LAX1: variants seen among roughly 807,000 people sequenced by gnomAD.
The protein encoded by LAX1 is lymphocyte transmembrane adaptor 1, also known as lymphocyte transmembrane adapter 1.
LAX1 carries 17 observed loss-of-function variants against 20.7 expected under a neutral mutation model. That is an observed-to-expected ratio of 0.82 (90% CI 0.56 to 1.23). LAX1 has a LOEUF of 1.23. Ranked by LOEUF, LAX1 falls within the 50% of genes most tolerant of loss-of-function variation. LAX1 has a pLI of 0.00. For missense variants in LAX1, 470 were observed against 487.0 expected (o/e 0.97, Z 0.33); for synonymous variants, 165 against 181.0 (o/e 0.91, Z 0.71).
At chr1:203,771,848 C>A (rs1667427638) in intron 3 of LAX1, among the ~76,000 whole-genome samples, 1 of 152,110 alleles carries the variant, frequency 6.6e-6, no homozygotes, top group East Asian at 1.9e-4. Flanking sequence ...AGCCTCCCAA[C>A]CCCTGTGATA....
chr1:203,768,549 C>T (rs986408826), intron 1 of LAX1, among the ~76,000 whole-genome samples: 1 of 152,102 alleles, frequency 6.6e-6, no homozygotes, highest in Non-Finnish European at 1.5e-5. Context: ...GGCAAGGGAT[C>T]CTGGCAGTCA....
rs1667289843 is a variant in LAX1, at chr1:203,765,492, T to C, written c.-74T>C. The C allele has an allele frequency of 1.9e-6, 3 of 1,596,222 alleles. No homozygotes were observed. The highest frequency in any genetic ancestry group is 1.7e-6 in the Non-Finnish European group (2 of 1,169,842). On this transcript the variant is annotated 5_prime_UTR_variant, in exon 1 of 5. It removes an upstream start codon present in the reference 5' UTR. Coordinates refer to ENST00000442561, the MANE Select transcript of LAX1 (RefSeq NM_017773.4). ...CGGGGGTGGGGAGAAGTGGTAGACA[T>C]GCTGGCTAACTGATTATGATTAAGA...
intron 4 of LAX1, 35 bp downstream of exon 4, chr1:203,772,182 T>C: frequency 6.7e-7 from 1 of 1,501,562 alleles, no homozygotes; most frequent in Non-Finnish European, 9.3e-7. Context: ...ATGACATGTC[T>C]CTGGCAGAAG....
intron 1 of LAX1, among the ~76,000 whole-genome samples, chr1:203,765,881 A>C (rs965418261): frequency 1.3e-5 from 2 of 152,156 alleles, no homozygotes. Flanking sequence ...AAACTGTGAT[A>C]ACACTGGCCC....
At position 203,770,845 on chromosome 1, in the gene LAX1, C is replaced by T. The variant is rs1371194249; in HGVS notation, c.107C>T (p.Thr36Ile). 9 of 1,614,040 alleles carry T rather than the reference C, an allele frequency of 5.6e-6. No individual in the cohort carries two copies. The highest frequency in any genetic ancestry group is 7.6e-6 in the Non-Finnish European group (9 of 1,179,886). The part of the protein sequence containing the change: ...RSLDRNKDQI[T>I]NIFSGFAGLL... ...TTTTCTAGAAATAAAGACCAGATCA[C>T]CAACATCTTTTCCGGGTTTGCGGGA... The change falls in exon 2 of 5, where the codon ACC becomes ATC. Residue 36 changes from threonine (T) to isoleucine (I), a missense_variant. Transcript: ENST00000442561.
At chr1:203,770,486 GAAGGAAGGAAGGAAGGAAGGAAGGAAGA>G (rs1190522419) in intron 1 of LAX1, among the ~76,000 whole-genome samples, 14 of 58,786 alleles carry the variant, frequency 2.4e-4, no homozygotes, top group African/African-American at 8.1e-4. Flanking sequence ...AGGAAGGAAG[GAAGGAAGGAAGGAAGGAAGGAAGGAAGA>G]AAGAAAGAAA....
In LAX1 at chr1:203,771,443, T is replaced by G; in HGVS notation, c.276T>G (p.Ile92Met). 2 of 1,613,186 alleles carry G rather than the reference T, an allele frequency of 1.2e-6. No individual in the cohort carries two copies. The highest frequency in any genetic ancestry group is 1.3e-5 in the African/African-American group (1 of 75,012). The change falls in exon 3 of 5, where the codon ATT becomes ATG. Residue 92 changes from isoleucine to methionine, a missense_variant. By Grantham distance (10) the Ile-to-Met change is conservative (BLOSUM62 1). Transcript: ENST00000442561. ...AAACCAGACAAAGAGCCAAAAATAT[T>G]TATGACATCTTGCCTTGGCGACAGG... ...LPQTRQRAKN[I>M]YDILPWRQED...
At chr1:203,768,224 T>A (rs1486688045) in intron 1 of LAX1, among the ~76,000 whole-genome samples, 1 of 151,960 alleles carries the variant, frequency 6.6e-6, no homozygotes, top group Non-Finnish European at 1.5e-5. Flanking sequence ...GGCAGAAGAA[T>A]CACTTGGACC....
At position 203,773,885 on chromosome 1, in the gene LAX1, C is replaced by T; in HGVS notation, c.401C>T (p.Ala134Val). Residue 134 changes from alanine (A) to valine (V), a missense_variant, in exon 5 of 5, where the codon GCA (alanine) becomes GTA (valine). Coordinates refer to ENST00000442561, the MANE Select transcript of LAX1 (RefSeq NM_017773.4). ...TTTTCTTCTTCATAGCCCTCCCAAG[C>T]AGGCAATGCCTTCCAGGAGCATACA... The part of the protein sequence containing the change: ...SESPEHVPSQ[A>V]GNAFQEHTAH... The T allele has an allele frequency of 6.3e-7, 1 of 1,598,626 alleles. No individual in the cohort carries two copies. Among genetic ancestry groups the T allele is most frequent in the Non-Finnish European group, 8.5e-7 (1 of 1,171,298 alleles).
Position 203,774,447 on chromosome 1 carries a change from C to T in LAX1, c.963C>T (p.Val321=), listed in dbSNP as rs201846348. The change falls in exon 5 of 5, where the codon GTC becomes GTT. Residue 321 remains valine, a synonymous_variant. Transcript: ENST00000442561. The stretch of plus-strand genomic sequence containing the variant: ...TGCCATCCTCAAACATAGGTCATGT[C>T]GAGGACAAGACAGATGATCCCGGGA... ...KDVPSSNIGH[V]EDKTDDPGTH... 1.1e-5 allele frequency: 17 copies of T among 1,614,162 alleles called. No individual in the cohort carries two copies. The highest frequency in any genetic ancestry group is 7.7e-5 in the South Asian group (7 of 91,074).
At chr1:203,772,767 C>T (rs2102269249) in intron 4 of LAX1, among the ~76,000 whole-genome samples, 1 of 146,766 alleles carries the variant, frequency 6.8e-6, no homozygotes, top group East Asian at 2.0e-4. Context: ...CCTCTGCTTC[C>T]TGGGCTCAAG....
chr1:203,770,459 A>AGAGAGAGAG (rs56340969), intron 1 of LAX1, among the ~76,000 whole-genome samples: 6 of 10,536 alleles, frequency 5.7e-4, no homozygotes, highest in South Asian at 6.3e-3. Flanking sequence ...GAGAGAAAGG[A>AGAGAGAGAG]AGGAAGGAAG....
chr1:203,771,852 T>C (rs1046469887), intron 3 of LAX1, among the ~76,000 whole-genome samples: 1 of 152,080 alleles, frequency 6.6e-6, no homozygotes, highest in African/African-American at 2.4e-5. Flanking sequence ...TCCCAACCCC[T>C]GTGATAGCAT....
Position 203,774,199 on chromosome 1 carries a change from G to A in LAX1, c.715G>A (p.Gly239Ser). Residue 239 changes from glycine to serine, a missense_variant, in exon 5 of 5, where the codon GGT becomes AGT. Transcript: ENST00000442561. The part of the protein sequence containing the change: ...EERDEGCGDA[G>S]DCTSLYSPGA... ...AAGAGATGAGGGCTGTGGAGATGCT[G>A]GTGACTGCACCAGTTTGTATTCTCC... 5 of 1,614,150 alleles carry A rather than the reference G, an allele frequency of 3.1e-6. No individual in the cohort carries two copies. The highest frequency in any genetic ancestry group is 4.2e-6 in the Non-Finnish European group (5 of 1,180,028).
intron 4 of LAX1, 23 bp from the exon 5 acceptor site, chr1:203,773,852 T>C (rs772296490): frequency 1.1e-5 from 16 of 1,431,330 alleles, no homozygotes; most frequent in Non-Finnish European, 1.4e-5. Context: ...ATCTGACCAC[T>C]GGCTTCCTTT....
rs201846348 is a variant in LAX1, at chr1:203,774,447, C to G, written c.963C>G (p.Val321=). The change falls in exon 5 of 5, where the codon GTC becomes GTG. Residue 321 remains valine, a synonymous_variant. Coordinates refer to ENST00000442561, the MANE Select transcript of LAX1 (RefSeq NM_017773.4). ...KDVPSSNIGH[V]EDKTDDPGTH... ...TGCCATCCTCAAACATAGGTCATGT[C>G]GAGGACAAGACAGATGATCCCGGGA... 1.1e-5 allele frequency: 18 copies of G among 1,614,162 alleles called. No individual in the cohort carries two copies. Among genetic ancestry groups the G allele is most frequent in the Non-Finnish European group, 1.4e-5 (17 of 1,180,042 alleles).
At chr1:203,770,463 A>AGAG (rs58360126) in intron 1 of LAX1, among the ~76,000 whole-genome samples, 17 of 11,386 alleles carry the variant, frequency 1.5e-3, no homozygotes, top group Admixed American at 5.2e-3. Flanking sequence ...GAAAGGAAGG[A>AGAG]AGGAAGGAAG....
chr1:203,772,094 A>G lies in LAX1; in HGVS notation c.337A>G (p.Ile113Val), dbSNP rs753348598. 8 of 1,613,968 alleles carry G rather than the reference A, an allele frequency of 5.0e-6. No individual in the cohort carries two copies. The highest frequency in any genetic ancestry group is 6.8e-6 in the Non-Finnish European group (8 of 1,179,968). Residue 113 changes from isoleucine to valine, a missense_variant, in exon 4 of 5, where the codon ATT (isoleucine) becomes GTT (valine). Transcript: ENST00000442561. ...LGRHESRSMR[I>V]FSTESLLSRN... Reference sequence around the variant, plus strand: ...GAGACATGAGTCGAGGAGTATGCGCATTTTCAGTACTGAGAGCCTCCTCTC... The same window carrying G: ...GAGACATGAGTCGAGGAGTATGCGCGTTTTCAGTACTGAGAGCCTCCTCTC...
In LAX1 at chr1:203,770,908, T is replaced by C. The variant is rs754081186; in HGVS notation, c.170T>C (p.Ile57Thr). The change falls in exon 2 of 5, where the codon ATC becomes ACC. Residue 57 changes from isoleucine to threonine, a missense_variant. Ile to Thr is a moderately conservative substitution (Grantham distance 89, BLOSUM62 -1). Coordinates refer to ENST00000442561, the MANE Select transcript of LAX1 (RefSeq NM_017773.4). ...AILLVVAVFC[I>T]LWNWNKRKKR... is the part of the protein sequence containing the mutation. ...CTCCTGGTCGTTGCGGTTTTCTGCA[T>C]CTTGTGGAATTGGAATAAACGGAAG... 1.9e-6 allele frequency: 3 copies of C among 1,613,964 alleles called. No individual in the cohort carries two copies. In the African/African-American group the frequency reaches 4.0e-5, roughly 22 times the overall value.
Sources: allele counts gnomAD v4.1 joint callset (sites outside exome capture counted in the v4.1 genomes callset), GRCh38; gene constraint gnomAD v4.1.1; transcripts MANE v1.5; gene names NCBI Gene and HGNC (gene_info 2026-07-23, HGNC 2026-07-21).